The following SNTG2 variants were observed in gnomAD, a reference collection of about 807,000 sequenced individuals.
SNTG2 encodes the protein syntrophin gamma 2.
A neutral mutation model predicts 70.9 loss-of-function variants in SNTG2; 74 were observed. The ratio of observed to expected loss-of-function variants is 1.04; its 90% CI spans 0.86 to 1.27. The LOEUF (loss-of-function observed/expected upper bound fraction) is 1.27. Ranked by LOEUF, SNTG2 falls within the 50% of genes most tolerant of loss-of-function variation. The pLI is 0.00. For synonymous variants in SNTG2, 278 were observed against 273.8 expected (o/e 1.02, Z -0.15); for missense variants, 717 against 690.7 (o/e 1.04, Z -0.43).
intron 13 of SNTG2, among the ~76,000 whole-genome samples, chr2:1,260,427 T>C (rs1558608143): frequency 6.6e-6 from 1 of 152,220 alleles, no homozygotes; most frequent in Non-Finnish European, 1.5e-5. Flanking sequence ...GCATTGTTCC[T>C]ACTTTTGTTG....
At chr2:1,063,420 G>A (rs1236697165) in intron 1 of SNTG2, among the ~76,000 whole-genome samples, 1 of 152,174 alleles carries the variant, frequency 6.6e-6, no homozygotes, top group Non-Finnish European at 1.5e-5. Context: ...GAGTGGGGCA[G>A]CAGGGCCGAG....
rs188212040 is a variant in SNTG2 at position 1,113,621 on chromosome 2, T to C, written c.325+15211T>C. ...GTACTTTGAGGAGGATCGTGTGTAC[T>C]AAGTGAGGTTTAACCCTTACAGTCC... On this transcript the variant is annotated intron_variant, in intron 4 of 16. Coordinates refer to ENST00000308624, the MANE Select transcript of SNTG2 (RefSeq NM_018968.4). 3.0e-4 allele frequency among the ~76,000 whole-genome samples: 46 copies of C among 151,916 alleles called. 1 individual carries two copies. Among genetic ancestry groups the C allele is most frequent in the African/African-American group, 1.1e-3 (46 of 41,438 alleles).
intron 2 of SNTG2, among the ~76,000 whole-genome samples, chr2:1,090,913 TC>T (rs1664979152): frequency 6.6e-6 from 1 of 152,218 alleles, no homozygotes; most frequent in Non-Finnish European, 1.5e-5. Context: ...AAGCTGCTTA[TC>T]TCCAGCCTCA....
At chr2:1,099,726 G>A (rs1455325375) in intron 4 of SNTG2, among the ~76,000 whole-genome samples, 1 of 152,194 alleles carries the variant, frequency 6.6e-6, no homozygotes, top group Non-Finnish European at 1.5e-5. Context: ...TGTGGTGCAG[G>A]AGACCATGTT....
chr2:1,321,594 C>T (rs1340582485), intron 16 of SNTG2, among the ~76,000 whole-genome samples: 1 of 152,064 alleles, frequency 6.6e-6, no homozygotes, highest in Admixed American at 6.5e-5. Flanking sequence ...AAGACTGAAT[C>T]GAGGGTGCTG....
intron 13 of SNTG2, among the ~76,000 whole-genome samples, chr2:1,262,449 GC>G (rs1678462922): frequency 6.6e-6 from 1 of 152,234 alleles, no homozygotes; most frequent in African/African-American, 2.4e-5. Context: ...GGGTTGTACA[GC>G]CAGCAAGAGA....
intron 4 of SNTG2, among the ~76,000 whole-genome samples, chr2:1,124,478 A>T (rs1335621375): frequency 6.6e-6 from 1 of 151,722 alleles, no homozygotes; most frequent in African/African-American, 2.4e-5. Flanking sequence ...TTGTATTTTT[A>T]GTAGAGACGG....
intron 1 of SNTG2, among the ~76,000 whole-genome samples, chr2:1,059,846 A>G (rs1290159411): frequency 7.9e-5 from 12 of 152,204 alleles, no homozygotes; most frequent in Admixed American, 7.9e-4. Context: ...TTTCCATTTA[A>G]TTACTACAAC....
chr2:1,197,753 C>T (rs1222828059), intron 8 of SNTG2, among the ~76,000 whole-genome samples: 1 of 151,738 alleles, frequency 6.6e-6, no homozygotes, highest in East Asian at 1.9e-4. Flanking sequence ...AGGATGGTGT[C>T]AAACTCCCGG....
chr2:1,360,270 T>C (rs533137876), intron 16 of SNTG2, among the ~76,000 whole-genome samples: 179 of 12,776 alleles, frequency 0.014, no homozygotes, highest in African/African-American at 0.039. Flanking sequence ...TTTCCCAGCA[T>C]CTGGAGGCTT....
chr2:1,081,288 G>GT lies in SNTG2; in HGVS notation c.73-2230_73-2229insT. Among the ~76,000 whole-genome samples the GT allele has an allele frequency of 2.6e-5, 4 of 152,308 alleles. No individual in the cohort carries two copies. The East Asian group carries it at 7.7e-4, about 29-fold the overall frequency. On this transcript the variant is annotated intron_variant, in intron 1 of 16. Transcript: ENST00000308624. ...CCGTGTGTGAGAGTAAATGCGGGAGGCAATGGTGAGATATCCTCACAGGTG... is the reference window on the plus strand; with the variant it reads ...CCGTGTGTGAGAGTAAATGCGGGAGGTCAATGGTGAGATATCCTCACAGGTG...
rs1668481715 is a variant in SNTG2 at position 1,137,655 on chromosome 2, C to A, written c.359C>A (p.Ala120Asp). ...DQTGMLFVGD[A>D]VLQVNGIHVE... ...ACAGGGATGTTGTTCGTAGGAGATG[C>A]TGTTCTCCAGGTCAGTATTGTACAC... is the stretch of plus-strand genomic sequence containing the variant. Residue 120 changes from alanine (A) to aspartate (D), a missense_variant, in exon 5 of 17, where the codon GCT (alanine) becomes GAT (aspartate). Ala to Asp is a moderately radical substitution (Grantham distance 126, BLOSUM62 -2). Transcript: ENST00000308624. 1 of 1,612,986 alleles carries A rather than the reference C, an allele frequency of 6.2e-7. No homozygotes were observed. The highest frequency in any genetic ancestry group is 1.7e-5 in the Admixed American group (1 of 59,692).
At chr2:1,325,462 A>G (rs1312590357) in intron 16 of SNTG2, among the ~76,000 whole-genome samples, 2 of 152,248 alleles carry the variant, frequency 1.3e-5, no homozygotes, top group African/African-American at 4.8e-5. Flanking sequence ...GTATCAGTTC[A>G]TGTATTTAGT....
chr2:1,230,689 C>T (rs1456930013), intron 9 of SNTG2, among the ~76,000 whole-genome samples: 2 of 152,234 alleles, frequency 1.3e-5, no homozygotes, highest in African/African-American at 2.4e-5. Context: ...TAGCACAGTG[C>T]CCTGGTCGAC....
chr2:1,366,331 A>AT (rs1454959892), intron 16 of SNTG2, among the ~76,000 whole-genome samples: 3 of 152,130 alleles, frequency 2.0e-5, no homozygotes, highest in East Asian at 3.9e-4. Context: ...CAGGAAGATG[A>AT]TTTTTCCCCA....
At chr2:1,283,164 A>C (rs62108108) in intron 14 of SNTG2, among the ~76,000 whole-genome samples, 18,522 of 151,936 alleles carry the variant, frequency 0.12, 1,192 homozygotes, top group South Asian at 0.19. Flanking sequence ...AGGCAGGTGA[A>C]CTGTGGCCTC....
intron 1 of SNTG2, among the ~76,000 whole-genome samples, chr2:1,032,375 A>G (rs1660888738): frequency 6.6e-6 from 1 of 152,212 alleles, no homozygotes; most frequent in Non-Finnish European, 1.5e-5. Flanking sequence ...ACGAAACTAC[A>G]CACACGCACG....
At chr2:1,043,878 A>G (rs1212034181) in intron 1 of SNTG2, among the ~76,000 whole-genome samples, 1 of 152,164 alleles carries the variant, frequency 6.6e-6, no homozygotes, top group Non-Finnish European at 1.5e-5. Context: ...TTTGCTTACA[A>G]TTGATTTGGC....
chr2:963,150 A>G (rs967765842), intron 1 of SNTG2, among the ~76,000 whole-genome samples: 1 of 152,144 alleles, frequency 6.6e-6, no homozygotes, highest in Admixed American at 6.5e-5. Context: ...AAAAAACTTC[A>G]TTATTTGAAA....
Sources: gnomAD v4.1 joint callset for allele counts (sites outside exome capture counted in the v4.1 genomes callset) on GRCh38, gnomAD v4.1.1 for gene constraint, MANE v1.5 for transcripts, NCBI Gene and HGNC (gene_info 2026-07-23, HGNC 2026-07-21) for gene names.